Variants in BAHCC1 observed in about 807,000 individuals in gnomAD.
The protein encoded by BAHCC1 is BAH domain and coiled-coil containing 1.
A neutral mutation model predicts 88.2 loss-of-function variants in BAHCC1; 43 were observed. That is an observed-to-expected ratio of 0.49 (90% CI 0.38 to 0.63). The LOEUF is 0.63. BAHCC1 is among the 20% of genes least tolerant of loss of function. The pLI is 0.00. For missense variants in BAHCC1, 3,023 were observed against 1,654.8 expected, an observed-to-expected ratio of 1.83 and a Z score of -14.34; for synonymous variants, 1,510 against 745.5, an observed-to-expected ratio of 2.03 and a Z score of -16.71.
rs1192049705 is a variant in BAHCC1, at chr17:81,444,361, C to A, written c.2325-20C>A. On this transcript the variant is annotated intron_variant, in intron 6 of 27. Transcript: ENST00000675386. Reference sequence around the variant, plus strand: ...CTGGGCCTTGGCGCCGGCGGCAGGGCTGAGCCCCAGGTCTTACAGGGACAG... The same window carrying A: ...CTGGGCCTTGGCGCCGGCGGCAGGGATGAGCCCCAGGTCTTACAGGGACAG... The A allele has an allele frequency of 2.8e-6, 2 of 723,210 alleles. No homozygotes were observed. The highest frequency in any genetic ancestry group is 5.1e-6 in the Non-Finnish European group (2 of 391,254). 44.8% of individuals were successfully genotyped at this position (723,210 alleles called of 1,614,324 possible). A position where few individuals can be genotyped will look rare whatever the true frequency, so the allele number is the denominator to read the frequency against.
At chr17:81,415,207 TCTC>T (rs1157624316) in intron 2 of BAHCC1, among the ~76,000 whole-genome samples, 1 of 152,158 alleles carries the variant, frequency 6.6e-6, no homozygotes, top group Non-Finnish European at 1.5e-5. Flanking sequence ...GGTTCCTTCC[TCTC>T]CTCCACCCAT....
intron 4 of BAHCC1, among the ~76,000 whole-genome samples, chr17:81,441,383 C>A (rs1555652479): frequency 6.6e-6 from 1 of 152,190 alleles, no homozygotes; most frequent in African/African-American, 2.4e-5. Context: ...CAAAAACCAG[C>A]CCGGCGCTGT....
rs868963159 is a variant in BAHCC1, at chr17:81,458,050, C to A, written c.5042-115C>A. On this transcript the variant is annotated intron_variant, in intron 17 of 27. Coordinates refer to ENST00000675386, the MANE Select transcript of BAHCC1 (RefSeq NM_001377448.1). ...GGGGAGGGCAGAGGTTGCTGGGTAA[C>A]CCGGGGGCGGGCAGGGGTTGCTAGG... The A allele has an allele frequency of 9.2e-4, 591 of 642,646 alleles. 2 individuals are homozygous for A. Among genetic ancestry groups the A allele is most frequent in the South Asian group, 2.0e-3 (111 of 56,080 alleles). The allele number at this position is 642,646 out of a possible 1,614,324, so 39.8% of individuals were successfully genotyped here. A position where few individuals can be genotyped will look rare whatever the true frequency, so the allele number is the denominator to read the frequency against.
At chr17:81,402,959 A>G (rs1240306061) in intron 2 of BAHCC1, 1 of 152,266 alleles carries the variant, frequency 6.6e-6, no homozygotes, top group Non-Finnish European at 1.5e-5. Context: ...AAAAGGTGCA[A>G]TTAAAATGTT....
At position 81,460,687 on chromosome 17, in the gene BAHCC1, C is replaced by G. The variant is rs531900568; in HGVS notation, c.6183C>G (p.Ser2061=). 1 of 773,250 alleles carries G rather than the reference C, an allele frequency of 1.3e-6. No individual in the cohort carries two copies. The highest frequency in any genetic ancestry group is 2.4e-5 in the East Asian group (1 of 40,932). 47.9% of individuals were successfully genotyped at this position (773,250 alleles called of 1,614,324 possible). ...CTTTGAAGACACCTGGGAAAAAATC[C>G]ATTAGCAAAGACAAAGCTGGTATTT... ...PEALKTPGKK[S]ISKDKAGKAE... The change falls in exon 25 of 28, where the codon TCC becomes TCG. Residue 2061 remains serine (S), a synonymous_variant. Coordinates refer to ENST00000675386, the MANE Select transcript of BAHCC1 (RefSeq NM_001377448.1).
chr17:81,447,877 A>G (rs782648293), intron 11 of BAHCC1, 29 bp downstream of exon 11: 9 of 715,682 alleles, frequency 1.3e-5, no homozygotes, highest in Non-Finnish European at 2.3e-5. Context: ...GCCACCCCCC[A>G]GAGTCCCAGC....
chr17:81,413,836 G>A (rs907648376), intron 2 of BAHCC1, among the ~76,000 whole-genome samples: 25 of 152,358 alleles, frequency 1.6e-4, no homozygotes, highest in Admixed American at 9.8e-4. Context: ...CGCAGGGCTC[G>A]CTATGGGGTG....
Position 81,442,382 on chromosome 17 carries a change from C to CCT in BAHCC1, c.1033_1034insCT (p.His345ProfsTer44). The CCT allele has an allele frequency of 1.4e-6, 1 of 703,768 alleles. No individual in the cohort carries two copies. Among genetic ancestry groups the CCT allele is most frequent in the Non-Finnish European group, 2.6e-6 (1 of 381,406 alleles). 43.6% of individuals were successfully genotyped at this position (703,768 alleles called of 1,614,324 possible). A position where few individuals can be genotyped will look rare whatever the true frequency, so the allele number is the denominator to read the frequency against. Reference sequence around the variant, plus strand: ...GTGCCTGGAGCGGCGGCAGATGCTACACCACACCGCATCCTACGCCGGGCC... The same window carrying CCT: ...GTGCCTGGAGCGGCGGCAGATGCTACCTACCACACCGCATCCTACGCCGGGCC... On this transcript the variant is annotated frameshift_variant, in exon 5 of 28. Transcript: ENST00000675386. LOFTEE classifies it high-confidence loss of function.
Position 81,461,409 on chromosome 17 carries a change from C to A in BAHCC1, c.6746C>A (p.Pro2249Gln). Residue 2249 changes from proline (P) to glutamine (Q), a missense_variant, in exon 26 of 28, where the codon CCG becomes CAG. Physicochemically the swap from Pro to Gln is moderately conservative, Grantham distance 76. Transcript: ENST00000675386. ...RPLPSPSYVHPALVGKDKKGR... is the reference protein window; with the variant it reads ...RPLPSPSYVHQALVGKDKKGR... ...CTGCCCAGCCCCAGCTATGTGCACC[C>A]GGCCCTTGTGGGCAAGGACAAGAAG... 1 of 724,318 alleles carries A rather than the reference C, an allele frequency of 1.4e-6. No homozygotes were observed. Among genetic ancestry groups the A allele is most frequent in the Non-Finnish European group, 2.6e-6 (1 of 391,830 alleles). 44.9% of individuals were successfully genotyped at this position (724,318 alleles called of 1,614,324 possible). A position where few individuals can be genotyped will look rare whatever the true frequency, so the allele number is the denominator to read the frequency against.
chr17:81,404,025 T>C (rs782356242), intron 2 of BAHCC1, among the ~76,000 whole-genome samples: 95 of 152,136 alleles, frequency 6.2e-4, no homozygotes, highest in Non-Finnish European at 6.3e-4. Flanking sequence ...GTTGTGCAAA[T>C]AGCACATCTC....
In BAHCC1 at chr17:81,399,493, C is replaced by T. The variant is rs1204244140; in HGVS notation, c.-206-41C>T. On this transcript the variant is annotated intron_variant, in intron 1 of 27. Coordinates refer to ENST00000675386, the MANE Select transcript of BAHCC1 (RefSeq NM_001377448.1). This position sits in a 1 kb window ranked among gnomAD's most constrained non-coding sequence, Gnocchi z 4.5. ...GGCGGGGACCCCCGGGCGAGCCGAG[C>T]CCCCCAGTCACCCGTGTCTCCTCTG... 2.0e-5 allele frequency: 5 copies of T among 251,514 alleles called. No individual in the cohort carries two copies. Among genetic ancestry groups the T allele is most frequent in the Non-Finnish European group, 4.3e-5 (5 of 117,450 alleles). The allele number at this position is 251,514 out of a possible 1,614,324, so 15.6% of individuals were successfully genotyped here.
chr17:81,438,085 G>C (rs149499666), intron 3 of BAHCC1, among the ~76,000 whole-genome samples: 1 of 152,220 alleles, frequency 6.6e-6, no homozygotes, highest in East Asian at 1.9e-4. Flanking sequence ...GGGAGCTTCC[G>C]CGATCCTGAG....
chr17:81,414,104 C>A (rs949500507), intron 2 of BAHCC1, among the ~76,000 whole-genome samples: 4 of 152,194 alleles, frequency 2.6e-5, no homozygotes, highest in African/African-American at 4.8e-5. Flanking sequence ...GAGCCCTGAC[C>A]CGTGCCAAGG....
At chr17:81,438,170 C>T (rs1234669834) in intron 3 of BAHCC1, among the ~76,000 whole-genome samples, 200 bp from the exon 4 acceptor site, 5 of 152,238 alleles carry the variant, frequency 3.3e-5, no homozygotes, top group Admixed American at 6.5e-5. Flanking sequence ...CAATTTGTGC[C>T]GCACCGGAGG....
Position 81,456,396 on chromosome 17 carries a change from C to T in BAHCC1, c.4669C>T (p.Leu1557=), listed in dbSNP as rs2064750104. The change falls in exon 16 of 28, where the codon CTG becomes TTG. Residue 1557 remains leucine (L), a synonymous_variant. Coordinates refer to ENST00000675386, the MANE Select transcript of BAHCC1 (RefSeq NM_001377448.1). ...GAAACCCAAGGTCAAGAGCAAAGGG[C>T]TGCCCACAGGCCTCAGCTCTTTCCA... ...QLKPKVKSKG[L]PTGLSSFQQK... 1 of 723,036 alleles carries T rather than the reference C, an allele frequency of 1.4e-6. No individual in the cohort carries two copies. Among genetic ancestry groups the T allele is most frequent in the Non-Finnish European group, 2.6e-6 (1 of 388,396 alleles). 44.8% of individuals were successfully genotyped at this position (723,036 alleles called of 1,614,324 possible). A position where few individuals can be genotyped will look rare whatever the true frequency, so the allele number is the denominator to read the frequency against.
At chr17:81,422,743 T>C in intron 2 of BAHCC1, 1 of 437,242 alleles carries the variant, frequency 2.3e-6, no homozygotes, top group East Asian at 8.1e-5. Context: ...GCCAGGATCC[T>C]GGAGAAATCC....
Position 81,451,753 on chromosome 17 carries a change from G to A in BAHCC1, c.4062G>A (p.Leu1354=), listed in dbSNP as rs543826691. The change falls in exon 12 of 28, where the codon CTG becomes CTA. Residue 1354 remains leucine (L), a synonymous_variant. Coordinates refer to ENST00000675386, the MANE Select transcript of BAHCC1 (RefSeq NM_001377448.1). ...TAWSLVEAAG[L]DSSTAPAQPP... ...GGTCCCTGGTGGAGGCCGCTGGCCT[G>A]GACAGCTCCACTGCCCCAGCGCAGC... 3.9e-6 allele frequency: 3 copies of A among 773,246 alleles called. No homozygotes were observed. The Admixed American group carries it at 5.1e-5, about 13-fold the overall frequency. 47.9% of individuals were successfully genotyped at this position (773,246 alleles called of 1,614,324 possible).
At chr17:81,424,759 G>C (rs1555650064) in intron 2 of BAHCC1, among the ~76,000 whole-genome samples, 1 of 151,696 alleles carries the variant, frequency 6.6e-6, no homozygotes, top group African/African-American at 2.4e-5. Context: ...AGTTGGGGTG[G>C]TGTTGATGTG....
At position 81,411,677 on chromosome 17, in the gene BAHCC1, CCAGGCAGCT is replaced by C. The variant is rs1263632325; in HGVS notation, c.178+11762_178+11770del. On this transcript the variant is annotated intron_variant, in intron 2 of 27. Transcript: ENST00000675386. This position sits in a 1 kb window ranked among gnomAD's most constrained non-coding sequence, Gnocchi z 6.2. The stretch of plus-strand genomic sequence containing the variant: ...TGGGGCATTCCAGACCTGAGGCCCT[CCAGGCAGCT>C]CCCCTTCCACTCTGCCCAGCCCACC... 6.0e-6 allele frequency: 2 copies of C among 333,010 alleles called. No homozygotes were observed. Among genetic ancestry groups the C allele is most frequent in the African/African-American group, 4.4e-5 (2 of 45,662 alleles). 20.6% of individuals were successfully genotyped at this position (333,010 alleles called of 1,614,324 possible).
Sources: allele counts gnomAD v4.1 joint callset (sites outside exome capture counted in the v4.1 genomes callset), GRCh38; gene constraint gnomAD v4.1.1; non-coding constraint Gnocchi (gnomAD v3.1); transcripts MANE v1.5; gene names NCBI Gene and HGNC (gene_info 2026-07-23, HGNC 2026-07-21).